SYNC: variants seen among roughly 807,000 people sequenced by gnomAD.
SYNC encodes syncoilin.
In SYNC, 38 loss-of-function variants were observed where a neutral mutation model predicts 49.5. That is an observed-to-expected ratio of 0.77 (90% confidence interval 0.59 to 1.01). The LOEUF (loss-of-function observed/expected upper bound fraction) is 1.01, where lower values mean the gene tolerates loss of function less well. SYNC is among the 50% of genes least tolerant of loss of function. The pLI is 0.00. For synonymous variants in SYNC, 201 were observed against 230.8 expected (o/e 0.87, Z 1.17); for missense variants, 579 against 580.6 (o/e 1.00, Z 0.03).
chr1:32,686,808 G>T (rs1428666844), intron 2 of SYNC, among the ~76,000 whole-genome samples: 1 of 152,138 alleles, frequency 6.6e-6, no homozygotes, highest in Non-Finnish European at 1.5e-5. Context: ...TTTGTCCAAA[G>T]TTTCCAACTT....
rs191064854 is a variant in SYNC at position 32,680,144 on chromosome 1, T to C, written c.*1706A>G. ...GAAATAGGGGGAGATTCAAGTCATA[T>C]AGATTCCTACTCGAAAATCTTGACA... On this transcript the variant is annotated 3_prime_UTR_variant, in exon 5 of 5. Coordinates refer to ENST00000409190, the MANE Select transcript of SYNC (RefSeq NM_030786.3). 4.9e-3 allele frequency: 5,284 copies of C among 1,076,564 alleles called. 17 individuals are homozygous for C. Among genetic ancestry groups the C allele is most frequent in the Non-Finnish European group, 5.6e-3 (4,945 of 890,660 alleles). The allele number at this position is 1,076,564 out of a possible 1,614,324, so 66.7% of individuals were successfully genotyped here.
rs759487344 is a variant in SYNC, at chr1:32,680,678, G to C, written c.*1172C>G. 2.5e-6 allele frequency: 2 copies of C among 785,504 alleles called. No homozygotes were observed. Among genetic ancestry groups the C allele is most frequent in the Admixed American group, 3.3e-5 (1 of 30,720 alleles). The allele number at this position is 785,504 out of a possible 1,614,324, so 48.7% of individuals were successfully genotyped here. ...ACCCCATGCTGATGGGTTTTATTTA[G>C]TATAAAACATCCATCAAACACCAGT... is the stretch of plus-strand genomic sequence containing the variant. On this transcript the variant is annotated 3_prime_UTR_variant, in exon 5 of 5. Transcript: ENST00000409190.
intron 2 of SYNC, among the ~76,000 whole-genome samples, chr1:32,689,198 A>AGT (rs1650038195): frequency 7.9e-6 from 1 of 126,764 alleles, no homozygotes; most frequent in South Asian, 2.7e-4. Flanking sequence ...GGCCTCCCAA[A>AGT]GTGCTGGGAT....
chr1:32,697,848 G>A (rs1650502207), intron 1 of SYNC, among the ~76,000 whole-genome samples: 1 of 151,926 alleles, frequency 6.6e-6, no homozygotes, highest in Admixed American at 6.6e-5. Flanking sequence ...CTTTCAGACT[G>A]TCACTCTTTT....
intron 2 of SYNC, among the ~76,000 whole-genome samples, chr1:32,691,417 G>A (rs1441699252): frequency 1.3e-5 from 2 of 151,842 alleles, no homozygotes; most frequent in Non-Finnish European, 2.9e-5. Flanking sequence ...CACGTCCATG[G>A]TGTTAGGCGC....
intron 2 of SYNC, 112 bp from the exon 3 acceptor site, chr1:32,684,494 T>C (rs937296489): frequency 6.8e-7 from 1 of 1,465,658 alleles, no homozygotes; most frequent in South Asian, 1.3e-5. Context: ...GATAGCAGTA[T>C]TGAGGCTGGT....
At chr1:32,689,809 C>T (rs1650070907) in intron 2 of SYNC, among the ~76,000 whole-genome samples, 1 of 151,852 alleles carries the variant, frequency 6.6e-6, no homozygotes, top group African/African-American at 2.4e-5. Flanking sequence ...GGCGTGGTGG[C>T]GTGAGCCTGT....
At chr1:32,701,832 C>G (rs529733968) in intron 1 of SYNC, among the ~76,000 whole-genome samples, 176 of 152,278 alleles carry the variant, frequency 1.2e-3, no homozygotes, top group African/African-American at 4.1e-3. Flanking sequence ...GCTGGGAGTC[C>G]ATGTGACATT....
In SYNC at chr1:32,695,179, CT is replaced by C; in HGVS notation, c.918del (p.Glu307LysfsTer45). 1.9e-6 allele frequency: 3 copies of C among 1,573,248 alleles called. No homozygotes were observed. In the South Asian group the frequency reaches 3.4e-5, roughly 18 times the overall value. On this transcript the variant is annotated frameshift_variant, in exon 2 of 5. Coordinates refer to ENST00000409190, the MANE Select transcript of SYNC (RefSeq NM_030786.3). LOFTEE classifies it high-confidence loss of function. ...CCATCCCTCTGGCTTGGAGGGGCTT[CT>C]AGTTGTTGCCGCAGCTGCTCCTTCT... ...QKQKEQLRQQ[L>X]EAPPSQRDGH...
chr1:32,681,275 G>A lies in SYNC; in HGVS notation c.*575C>T, dbSNP rs1403697696. ...TTTCTTTTCAAGTCTAGTTGTTTTAGAGTATAGTGAGAAATACCTTGACAC... is the reference window on the plus strand; with the variant it reads ...TTTCTTTTCAAGTCTAGTTGTTTTAAAGTATAGTGAGAAATACCTTGACAC... On this transcript the variant is annotated 3_prime_UTR_variant, in exon 5 of 5. Coordinates refer to ENST00000409190, the MANE Select transcript of SYNC (RefSeq NM_030786.3). The A allele has an allele frequency of 6.6e-6, 1 of 152,654 alleles. No individual in the cohort carries two copies. Among genetic ancestry groups the A allele is most frequent in the Non-Finnish European group, 1.5e-5 (1 of 68,410 alleles). 9.5% of individuals were successfully genotyped at this position (152,654 alleles called of 1,614,324 possible).
At chr1:32,702,955 C>G (rs888447939), upstream of SYNC, 3 of 161,284 alleles carry the variant, frequency 1.9e-5, no homozygotes, top group African/African-American at 7.2e-5. This position sits in a 1 kb window ranked among gnomAD's most constrained non-coding sequence, Gnocchi z 6.2. Context: ...CGAACCTTCT[C>G]TCCACCCTTC....
chr1:32,692,879 C>T (rs1003277766), intron 2 of SYNC, among the ~76,000 whole-genome samples: 1 of 151,604 alleles, frequency 6.6e-6, no homozygotes, highest in African/African-American at 2.4e-5. Flanking sequence ...GTGGCGGGCA[C>T]CTGTAGTCCC....
At chr1:32,698,588 T>C (rs1650541043) in intron 1 of SYNC, among the ~76,000 whole-genome samples, 1 of 152,144 alleles carries the variant, frequency 6.6e-6, no homozygotes, top group Non-Finnish European at 1.5e-5. Context: ...TTCATCTTGT[T>C]AGAACTGGCC....
At chr1:32,690,663 AAGT>A (rs1335988162) in intron 2 of SYNC, among the ~76,000 whole-genome samples, 6 of 149,822 alleles carry the variant, frequency 4.0e-5, no homozygotes, top group Admixed American at 6.8e-5. Context: ...AAAAAAAAAA[AAGT>A]AGAGAGGCAG....
rs766221982 is a variant in SYNC at position 32,699,311 on chromosome 1, G to C, written c.54-3267C>G. 2.2e-4 allele frequency among the ~76,000 whole-genome samples: 33 copies of C among 151,696 alleles called. 1 individual carries two copies. The highest frequency in any genetic ancestry group is 1.5e-5 in the Non-Finnish European group (1 of 67,920). On this transcript the variant is annotated intron_variant, in intron 1 of 4. Coordinates refer to ENST00000409190, the MANE Select transcript of SYNC (RefSeq NM_030786.3). Reference sequence around the variant, plus strand: ...TGAGACTATAGGTGCCTGCCACCACGCCTGGCTAATTTTTGTGTATTTAGT... The same window carrying C: ...TGAGACTATAGGTGCCTGCCACCACCCCTGGCTAATTTTTGTGTATTTAGT...
intron 2 of SYNC, among the ~76,000 whole-genome samples, chr1:32,687,700 C>T (rs111714511): frequency 4.0e-5 from 6 of 151,486 alleles, no homozygotes; most frequent in African/African-American, 1.4e-4. Context: ...TGTTTAGTCC[C>T]AGCTGGATCT....
At chr1:32,697,513 C>T (rs187363860) in intron 1 of SYNC, among the ~76,000 whole-genome samples, 1 of 151,422 alleles carries the variant, frequency 6.6e-6, no homozygotes, top group Non-Finnish European at 1.5e-5. Context: ...GAGGCCAAGA[C>T]CTCTTGAGTC....
At chr1:32,687,833 A>AATTATTACT (rs1553199361) in intron 2 of SYNC, among the ~76,000 whole-genome samples, 1 of 38,216 alleles carries the variant, frequency 2.6e-5, no homozygotes, top group African/African-American at 4.6e-5. Flanking sequence ...CTGCCCAGTG[A>AATTATTACT]ATTATTATTA....
At chr1:32,689,008 G>A (rs1362575110) in intron 2 of SYNC, among the ~76,000 whole-genome samples, 5 of 150,534 alleles carry the variant, frequency 3.3e-5, no homozygotes, top group South Asian at 2.1e-4. Context: ...GCGCAGTCTC[G>A]GCTCACTGCA....
Sources: allele counts gnomAD v4.1 joint callset (sites outside exome capture counted in the v4.1 genomes callset), GRCh38; gene constraint gnomAD v4.1.1; non-coding constraint Gnocchi (gnomAD v3.1); transcripts MANE v1.5; gene names NCBI Gene and HGNC (gene_info 2026-07-23, HGNC 2026-07-21).